The following MGAT4C variants were observed in gnomAD, a reference collection of about 807,000 sequenced individuals.
MGAT4C encodes the protein MGAT4 family member C.
Under a neutral mutation model 40.1 loss-of-function variants are expected in MGAT4C, and 19 were observed. The ratio of observed to expected loss-of-function variants is 0.47; its 90% CI spans 0.33 to 0.70. The LOEUF (loss-of-function observed/expected upper bound fraction) is 0.70. Ranked by LOEUF, MGAT4C falls within the 30% of genes least tolerant of loss-of-function variation. MGAT4C has a pLI of 0.02. For synonymous variants in MGAT4C, 181 were observed against 187.1 expected (o/e 0.97, Z 0.27); for missense variants, 491 against 563.2 (o/e 0.87, Z 1.30).
intron 2 of MGAT4C, among the ~76,000 whole-genome samples, chr12:86,718,599 C>T (rs1391010137): frequency 6.6e-6 from 1 of 152,126 alleles, no homozygotes; most frequent in Non-Finnish European, 1.5e-5. Context: ...AATCCCCTGA[C>T]CATGGACCAC....
chr12:86,244,564 C>T (rs543095590), intron 1 of MGAT4C, among the ~76,000 whole-genome samples: 1 of 152,316 alleles, frequency 6.6e-6, no homozygotes, highest in South Asian at 2.1e-4. Context: ...AGCTTCTACT[C>T]TGCGCTAGCA....
At chr12:86,348,633 G>A (rs1955091532) in intron 3 of MGAT4C, among the ~76,000 whole-genome samples, 1 of 152,108 alleles carries the variant, frequency 6.6e-6, no homozygotes. Flanking sequence ...CGAAGGCCTT[G>A]CATCACCATC....
At chr12:86,538,972 A>G in intron 2 of MGAT4C, among the ~76,000 whole-genome samples, 1 of 152,034 alleles carries the variant, frequency 6.6e-6, no homozygotes, top group East Asian at 1.9e-4. Flanking sequence ...CATATGCATA[A>G]TTTAATAGGT....
chr12:86,252,868 G>A (rs1952358642), intron 1 of MGAT4C, among the ~76,000 whole-genome samples: 1 of 151,696 alleles, frequency 6.6e-6, no homozygotes, highest in Non-Finnish European at 1.5e-5. Flanking sequence ...ATAAATACAA[G>A]ATAACTTTGT....
At chr12:86,674,911 A>T (rs1200386703) in intron 2 of MGAT4C, among the ~76,000 whole-genome samples, 2 of 152,164 alleles carry the variant, frequency 1.3e-5, no homozygotes, top group Non-Finnish European at 2.9e-5. Context: ...TTTACTCTGC[A>T]TATGATTTGG....
At chr12:86,608,377 G>A (rs1224108847) in intron 2 of MGAT4C, among the ~76,000 whole-genome samples, 6 of 152,006 alleles carry the variant, frequency 3.9e-5, no homozygotes, top group Admixed American at 3.3e-4. Flanking sequence ...CCAGAAGTTC[G>A]AGACCAGCCT....
intron 1 of MGAT4C, among the ~76,000 whole-genome samples, chr12:86,059,864 A>G (rs1053241756): frequency 2.6e-5 from 4 of 151,466 alleles, no homozygotes; most frequent in African/African-American, 9.8e-5. Flanking sequence ...TTTCAACCCC[A>G]CACTGTCTAC....
chr12:86,215,557 A>G (rs1950639474), intron 1 of MGAT4C, among the ~76,000 whole-genome samples: 1 of 152,144 alleles, frequency 6.6e-6, no homozygotes, highest in African/African-American at 2.4e-5. Flanking sequence ...ACCATGTTCA[A>G]ATAAAGCCAA....
intron 2 of MGAT4C, among the ~76,000 whole-genome samples, chr12:86,459,699 G>A (rs1030052061): frequency 5.0e-5 from 2 of 40,324 alleles, no homozygotes; most frequent in South Asian, 7.6e-4. Context: ...TACCCGCCCC[G>A]CCCCCCACCC....
intron 2 of MGAT4C, chr12:86,001,699 T>C: frequency 5.6e-6 from 5 of 888,414 alleles, no homozygotes; most frequent in Non-Finnish European, 6.7e-6. Context: ...AGGAAGGTAC[T>C]GGCTGAATTG....
At position 86,484,391 on chromosome 12, in the gene MGAT4C, G is replaced by C. The variant is rs571113434; in HGVS notation, c.-228-49126C>G. Among the ~76,000 whole-genome samples, 18 of 152,324 alleles carry C rather than the reference G, an allele frequency of 1.2e-4. 1 individual carries two copies. In the East Asian group the frequency reaches 3.5e-3, roughly 29 times the overall value. On this transcript the variant is annotated intron_variant, in intron 2 of 7. Coordinates refer to the MGAT4C transcript ENST00000548651. ...GCATGTTCCCCTGCCTGCTAGCCTGGCTTAAGGCCCCTCCCTGGCTACTCT... is the reference window on the plus strand; with the variant it reads ...GCATGTTCCCCTGCCTGCTAGCCTGCCTTAAGGCCCCTCCCTGGCTACTCT...
intron 2 of MGAT4C, among the ~76,000 whole-genome samples, chr12:86,655,579 G>A (rs1963827591): frequency 6.6e-6 from 1 of 151,806 alleles, no homozygotes; most frequent in African/African-American, 2.4e-5. Context: ...AATTTTATTT[G>A]TCCAGCCAAA....
chr12:86,025,208 G>A (rs1890141197), intron 2 of MGAT4C, among the ~76,000 whole-genome samples: 1 of 151,044 alleles, frequency 6.6e-6, no homozygotes, highest in Admixed American at 6.6e-5. Flanking sequence ...TTATTGATTA[G>A]GAAATAAGTT....
Position 85,969,164 on chromosome 12 carries a change from C to A in MGAT4C, c.*10125G>T, listed in dbSNP as rs1007864191. On this transcript the variant is annotated 3_prime_UTR_variant, in exon 5 of 5. Coordinates refer to ENST00000611864, the MANE Select transcript of MGAT4C (RefSeq NM_001351288.2). ...TTTTCAATATATTGAAAAGATGATTCTTTTGCATGATGACTTGTTATAATC... is the reference window on the plus strand; with the variant it reads ...TTTTCAATATATTGAAAAGATGATTATTTTGCATGATGACTTGTTATAATC... 3.3e-5 allele frequency: 5 copies of A among 151,614 alleles called. No homozygotes were observed. The highest frequency in any genetic ancestry group is 2.0e-4 in the Admixed American group (3 of 15,190). 9.4% of individuals were successfully genotyped at this position (151,614 alleles called of 1,614,324 possible).
intron 2 of MGAT4C, among the ~76,000 whole-genome samples, chr12:86,690,709 T>C (rs1298587492): frequency 6.6e-6 from 1 of 152,134 alleles, no homozygotes; most frequent in Non-Finnish European, 1.5e-5. Context: ...TCTGCTTTGG[T>C]CTCACTAGGA....
chr12:86,825,834 G>A (rs1358468752), intron 1 of MGAT4C, among the ~76,000 whole-genome samples: 4 of 151,354 alleles, frequency 2.6e-5, no homozygotes, highest in Non-Finnish European at 1.5e-5. Flanking sequence ...ATATTTGGAG[G>A]TGAAATAAAA....
rs536413303 is a variant in MGAT4C at position 86,030,490 on chromosome 12, G to A, written c.-7+19184C>T. ...AGTTCACTGGTACACTTGTATCAAA[G>A]ACCAACAATAAAAAACACTGAAAAG... On this transcript the variant is annotated intron_variant, in intron 2 of 4. Transcript: ENST00000611864. Among the ~76,000 whole-genome samples, 10 of 151,740 alleles carry A rather than the reference G, an allele frequency of 6.6e-5. No homozygotes were observed. The Admixed American group carries it at 6.6e-4, about 10-fold the overall frequency.
chr12:86,458,599 T>C (rs1210480678), intron 2 of MGAT4C, among the ~76,000 whole-genome samples: 1 of 152,232 alleles, frequency 6.6e-6, no homozygotes, highest in East Asian at 1.9e-4. Context: ...CTCAGTTTAC[T>C]CCTCACAATT....
At chr12:86,602,430 T>TA (rs1478025732) in intron 2 of MGAT4C, among the ~76,000 whole-genome samples, 1 of 152,212 alleles carries the variant, frequency 6.6e-6, no homozygotes, top group East Asian at 1.9e-4. Flanking sequence ...AGGTGTGCTC[T>TA]AAGCACTGGA....
Sources: gnomAD v4.1 joint callset for allele counts (sites outside exome capture counted in the v4.1 genomes callset) on GRCh38, gnomAD v4.1.1 for gene constraint, MANE v1.5 for transcripts, NCBI Gene and HGNC (gene_info 2026-07-23, HGNC 2026-07-21) for gene names.